Variants in KIAA1671 observed in about 807,000 individuals in gnomAD.
KIAA1671 encodes the protein KIAA1671.
Under a neutral mutation model 131.2 loss-of-function variants are expected in KIAA1671, and 52 were observed. The observed-to-expected ratio is 0.40, with a 90% CI of 0.32 to 0.50. The LOEUF is 0.50. KIAA1671 is among the 20% of genes least tolerant of loss of function. The pLI is 0.73. For missense variants in KIAA1671, 2,360 were observed against 2,364.2 expected, an observed-to-expected ratio of 1.00 and a Z score of 0.04; for synonymous variants, 1,003 against 961.6, an observed-to-expected ratio of 1.04 and a Z score of -0.80.
At chr22:25,024,179 C>T (rs780230577) in intron 1 of KIAA1671, 2 of 152,214 alleles carry the variant, frequency 1.3e-5, no homozygotes, top group African/African-American at 2.4e-5. Context: ...TCTCCTTTTA[C>T]TTCCATGCAG....
chr22:25,063,882 C>T (rs1342177496), intron 6 of KIAA1671: 1 of 152,158 alleles, frequency 6.6e-6, no homozygotes, highest in Non-Finnish European at 1.5e-5. Context: ...TAGGCTGTTT[C>T]CTCAACTGTA....
chr22:25,020,886 G>C (rs1346312853), intron 1 of KIAA1671, among the ~76,000 whole-genome samples: 1 of 152,150 alleles, frequency 6.6e-6, no homozygotes, highest in Non-Finnish European at 1.5e-5. Context: ...AGAGGATCTG[G>C]ATCCTGTAGG....
intron 6 of KIAA1671, among the ~76,000 whole-genome samples, chr22:25,068,343 A>G (rs6004417): frequency 0.21 from 32,250 of 152,218 alleles, 3,489 homozygotes; most frequent in Non-Finnish European, 0.23. Context: ...GCTGAGAATC[A>G]ATGAAACCAC....
intron 1 of KIAA1671, chr22:25,010,634 G>A (rs1924984982): frequency 6.6e-6 from 1 of 152,114 alleles, no homozygotes; most frequent in African/African-American, 2.4e-5. Context: ...GAGGTGAAGT[G>A]GCTCCGTTAA....
intron 6 of KIAA1671, among the ~76,000 whole-genome samples, chr22:25,083,507 C>T (rs1198897957): frequency 6.6e-6 from 1 of 152,174 alleles, no homozygotes; most frequent in Non-Finnish European, 1.5e-5. Flanking sequence ...ATCCTCACAA[C>T]AGTCTTAGAA....
intron 3 of KIAA1671, among the ~76,000 whole-genome samples, chr22:25,032,391 G>A (rs1044889878): frequency 6.6e-6 from 1 of 152,222 alleles, no homozygotes; most frequent in Non-Finnish European, 1.5e-5. Context: ...CAGTAGAGCT[G>A]GGACTAGCAC....
At chr22:25,074,815 A>G (rs547999720) in intron 6 of KIAA1671, among the ~76,000 whole-genome samples, 29 of 152,134 alleles carry the variant, frequency 1.9e-4, no homozygotes, top group Non-Finnish European at 2.8e-4. Flanking sequence ...CCTCTTGGCT[A>G]TTGTGAAGAT....
At chr22:24,954,228 AAT>A (rs2054210878) in intron 1 of KIAA1671, among the ~76,000 whole-genome samples, 1 of 152,136 alleles carries the variant, frequency 6.6e-6, no homozygotes, top group Non-Finnish European at 1.5e-5. Context: ...AGGTTTGGCT[AAT>A]GAGTAACCAA....
In KIAA1671 at chr22:25,196,227, C is replaced by G. The variant is rs182928469; in HGVS notation, c.*3826C>G. The G allele has an allele frequency of 2.6e-5, 4 of 152,128 alleles. No individual in the cohort carries two copies. Among genetic ancestry groups the G allele is most frequent in the Non-Finnish European group, 5.9e-5 (4 of 68,022 alleles). The allele number at this position is 152,128 out of a possible 1,614,324, so 9.4% of individuals were successfully genotyped here. A position where few individuals can be genotyped will look rare whatever the true frequency, so the allele number is the denominator to read the frequency against. ...AGCTAGGCCCTCTGCTCTGGAAAGT[C>G]GGCCTGAGGTTTCCGGCAAGTTAAC... On this transcript the variant is annotated 3_prime_UTR_variant, in exon 13 of 13. Coordinates refer to ENST00000358431, the MANE Select transcript of KIAA1671 (RefSeq NM_001145206.2).
intron 6 of KIAA1671, among the ~76,000 whole-genome samples, chr22:25,131,090 C>T (rs1737717496): frequency 6.6e-6 from 1 of 152,222 alleles, no homozygotes; most frequent in South Asian, 2.1e-4. Context: ...AGGGTGGGGG[C>T]CTTGCCCAGT....
intron 7 of KIAA1671, 54 bp downstream of exon 7, chr22:25,170,992 T>A: frequency 2.9e-6 from 4 of 1,373,044 alleles, no homozygotes; most frequent in Non-Finnish European, 4.1e-6. Context: ...GGGCTGGAGT[T>A]GCTGCAGCCC....
chr22:24,971,509 A>G (rs1922613563), intron 1 of KIAA1671, among the ~76,000 whole-genome samples: 1 of 152,140 alleles, frequency 6.6e-6, no homozygotes, highest in Non-Finnish European at 1.5e-5. Flanking sequence ...ATGCCATGCC[A>G]GGTTGCCTTT....
At chr22:25,035,946 C>T (rs1379727788) in intron 4 of KIAA1671, among the ~76,000 whole-genome samples, 1 of 152,112 alleles carries the variant, frequency 6.6e-6, no homozygotes, top group African/African-American at 2.4e-5. Flanking sequence ...TGGCTCATGC[C>T]TATAATCCCA....
chr22:25,074,593 GTATA>G (rs924202391), intron 6 of KIAA1671, among the ~76,000 whole-genome samples: 1 of 149,628 alleles, frequency 6.7e-6, no homozygotes, highest in South Asian at 2.1e-4. Flanking sequence ...GTGTGTGCGT[GTATA>G]TATATATATG....
chr22:25,115,041 A>G (rs1181098872), intron 6 of KIAA1671, among the ~76,000 whole-genome samples: 1 of 152,254 alleles, frequency 6.6e-6, no homozygotes, highest in Non-Finnish European at 1.5e-5. Context: ...AATGTTTTCT[A>G]AAGCCAGCCT....
rs138517281 is a variant in KIAA1671, at chr22:25,112,486, A to G, written c.4531-58334A>G. 2,398 of 398,830 alleles carry G rather than the reference A, an allele frequency of 6.0e-3. 18 individuals carry two copies. The highest frequency in any genetic ancestry group is 7.2e-3 in the Non-Finnish European group (1,629 of 226,052). 24.7% of individuals were successfully genotyped at this position (398,830 alleles called of 1,614,324 possible). ...TTGTAAGCTTATTATGTTTTAAAAA[A>G]TATTAAAACAACACTGAAAGCTCCT... On this transcript the variant is annotated intron_variant, in intron 6 of 12. Transcript: ENST00000358431.
chr22:25,185,463 C>G (rs910046141), intron 11 of KIAA1671: 2 of 244,270 alleles, frequency 8.2e-6, no homozygotes, highest in Non-Finnish European at 1.6e-5. Context: ...CCTCCTCTTC[C>G]CCTTTGGGGA....
intron 6 of KIAA1671, among the ~76,000 whole-genome samples, chr22:25,113,292 C>T (rs2145916992): frequency 6.6e-6 from 1 of 152,296 alleles, no homozygotes; most frequent in Non-Finnish European, 1.5e-5. Flanking sequence ...AGCAGATGTT[C>T]TCCCCAGACC....
chr22:25,063,391 G>A (rs1286537371), intron 6 of KIAA1671: 1 of 152,128 alleles, frequency 6.6e-6, no homozygotes, highest in Non-Finnish European at 1.5e-5. Context: ...AAAAAGGAAG[G>A]GAATAATGTC....
Sources: allele counts gnomAD v4.1 joint callset (sites outside exome capture counted in the v4.1 genomes callset), GRCh38; gene constraint gnomAD v4.1.1; transcripts MANE v1.5; gene names NCBI Gene and HGNC (gene_info 2026-07-23, HGNC 2026-07-21).